Variants in TRPC4 observed in about 807,000 individuals in gnomAD.
TRPC4 encodes the protein short transient receptor potential channel 4.
Under a neutral mutation model 99.4 loss-of-function variants are expected in TRPC4, and 49 were observed. The ratio of observed to expected loss-of-function variants is 0.49; its 90% CI spans 0.39 to 0.63. The LOEUF is 0.63. Ranked by LOEUF, TRPC4 falls within the 20% of genes least tolerant of loss-of-function variation. The probability of loss-of-function intolerance (pLI) is 0.00; values close to 1 mark genes in which losing one functional copy is unlikely to be tolerated. For missense variants in TRPC4, 898 were observed against 1,152.9 expected (o/e 0.78, Z 3.20); for synonymous variants, 454 against 425.9 (o/e 1.07, Z -0.81).
chr13:37,796,959 T>TAAAATAAAATA (rs1363155767), intron 1 of TRPC4, among the ~76,000 whole-genome samples: 1 of 144,470 alleles, frequency 6.9e-6, no homozygotes, highest in Non-Finnish European at 1.5e-5. Flanking sequence ...TAAAATAAAA[T>TAAAATAAAATA]AAAATAAAAT....
At chr13:37,712,536 G>T (rs1481895881) in intron 3 of TRPC4, among the ~76,000 whole-genome samples, 1 of 152,120 alleles carries the variant, frequency 6.6e-6, no homozygotes, top group East Asian at 1.9e-4. Flanking sequence ...AAGTAGATAG[G>T]ACTGAAGTAG....
chr13:37,768,894 G>A (rs551346800), intron 2 of TRPC4, among the ~76,000 whole-genome samples: 1 of 151,316 alleles, frequency 6.6e-6, no homozygotes, highest in South Asian at 2.1e-4. Context: ...TACAGTGAGT[G>A]GAATTGATTA....
chr13:37,672,798 C>T (rs1376114249), intron 5 of TRPC4, among the ~76,000 whole-genome samples: 2 of 152,092 alleles, frequency 1.3e-5, no homozygotes, highest in African/African-American at 4.8e-5. Context: ...GGTCATTAAC[C>T]TCAATGCATT....
At chr13:37,824,002 G>T (rs1211252812) in intron 1 of TRPC4, among the ~76,000 whole-genome samples, 1 of 137,000 alleles carries the variant, frequency 7.3e-6, no homozygotes, top group African/African-American at 2.8e-5. Context: ...TTTGTAAGTT[G>T]GATTCCTAGG....
chr13:37,827,807 C>T (rs888905198), intron 1 of TRPC4, among the ~76,000 whole-genome samples: 2 of 151,870 alleles, frequency 1.3e-5, no homozygotes, highest in African/African-American at 4.8e-5. Flanking sequence ...CACCCAGTTC[C>T]AGCTTCCCAG....
chr13:37,845,079 T>C (rs896913549), intron 1 of TRPC4, among the ~76,000 whole-genome samples: 1 of 152,116 alleles, frequency 6.6e-6, no homozygotes, highest in Non-Finnish European at 1.5e-5. Flanking sequence ...AGAAATACCA[T>C]TCAAATTCAG....
chr13:37,820,500 G>A (rs1463263156), intron 1 of TRPC4, among the ~76,000 whole-genome samples: 1 of 151,992 alleles, frequency 6.6e-6, no homozygotes, highest in African/African-American at 2.4e-5. Context: ...TAAAACTTCA[G>A]TTCAATATCC....
intron 1 of TRPC4, among the ~76,000 whole-genome samples, chr13:37,824,045 G>GAGTT (rs1958118432): frequency 7.1e-6 from 1 of 140,938 alleles, no homozygotes; most frequent in African/African-American, 2.7e-5. Flanking sequence ...TTGTGAATGG[G>GAGTT]AGTTCCCTCA....
chr13:37,759,282 T>G (rs1251884809), intron 2 of TRPC4, among the ~76,000 whole-genome samples: 7 of 151,852 alleles, frequency 4.6e-5, no homozygotes, highest in Non-Finnish European at 1.0e-4. Context: ...GGGGTAAATA[T>G]TTAAATGTAA....
intron 1 of TRPC4, among the ~76,000 whole-genome samples, chr13:37,801,167 T>G (rs956943749): frequency 1.3e-5 from 2 of 152,154 alleles, no homozygotes; most frequent in Non-Finnish European, 1.5e-5. Flanking sequence ...ATTGTTACTG[T>G]GGAATGTAAC....
chr13:37,687,669 A>G (rs1953532666), intron 4 of TRPC4, among the ~76,000 whole-genome samples: 1 of 152,184 alleles, frequency 6.6e-6, no homozygotes, highest in Admixed American at 6.5e-5. Flanking sequence ...TATTCCCAGT[A>G]TATTAAAAAT....
chr13:37,758,791 A>T (rs1431903558), intron 2 of TRPC4, among the ~76,000 whole-genome samples: 1 of 151,676 alleles, frequency 6.6e-6, no homozygotes, highest in African/African-American at 2.4e-5. Context: ...GTGACAATGG[A>T]TATAATAAGT....
Position 37,745,994 on chromosome 13 carries a change from T to C in TRPC4, c.840A>G (p.Glu280=), listed in dbSNP as rs767717900. Residue 280 remains glutamate, a synonymous_variant, in exon 3 of 11, where the codon GAA becomes GAG. Transcript: ENST00000379705. ...GTCTTGCAAGATCATTTCCACTTTG[T>C]TCTTCTATGAGACTATTGTCATCTC... The part of the protein sequence containing the change: ...NYRDDNSLIE[E]QSGNDLARLK... The C allele has an allele frequency of 1.6e-5, 26 of 1,613,742 alleles. No individual in the cohort carries two copies. The highest frequency in any genetic ancestry group is 2.0e-5 in the Non-Finnish European group (24 of 1,179,832).
In TRPC4 at chr13:37,635,663, G is replaced by A. The variant is rs1175216869; in HGVS notation, c.*1240C>T. 6.6e-6 allele frequency among the ~76,000 whole-genome samples: 1 copy of A among 152,048 alleles called. No individual in the cohort carries two copies. Among genetic ancestry groups the A allele is most frequent in the African/African-American group, 2.4e-5 (1 of 41,408 alleles). On this transcript the variant is annotated 3_prime_UTR_variant, in exon 11 of 11. Transcript: ENST00000379705. ...GAAACTTCCCGTAGTGGCTTAAATA[G>A]ACACAAGCAATGTAAAATTTAAGCT...
chr13:37,779,682 C>T (rs1956789724), intron 2 of TRPC4, among the ~76,000 whole-genome samples: 1 of 151,974 alleles, frequency 6.6e-6, no homozygotes, highest in Admixed American at 6.6e-5. Context: ...TCCTTATCAT[C>T]TACATAACAA....
At chr13:37,734,921 G>A (rs1407900330) in intron 3 of TRPC4, among the ~76,000 whole-genome samples, 2 of 152,016 alleles carry the variant, frequency 1.3e-5, no homozygotes, top group Admixed American at 6.6e-5. Context: ...TGCATGCAGA[G>A]GGCATGCCAC....
intron 1 of TRPC4, among the ~76,000 whole-genome samples, chr13:37,809,537 C>A (rs1423779643): frequency 1.3e-5 from 2 of 151,356 alleles, no homozygotes; most frequent in African/African-American, 4.9e-5. Context: ...TTCCACCTAT[C>A]TCAAACTGCA....
At chr13:37,852,299 G>A (rs1314971370) in intron 1 of TRPC4, among the ~76,000 whole-genome samples, 1 of 152,178 alleles carries the variant, frequency 6.6e-6, no homozygotes, top group Admixed American at 6.5e-5. Context: ...CTCAGCCACA[G>A]TAGGAGAGGG....
chr13:37,674,573 T>G (rs1220470229), intron 4 of TRPC4, among the ~76,000 whole-genome samples: 1 of 152,224 alleles, frequency 6.6e-6, no homozygotes, highest in Non-Finnish European at 1.5e-5. Context: ...GAAGATGTTG[T>G]TAGGACAGCC....
Sources: allele counts gnomAD v4.1 joint callset (sites outside exome capture counted in the v4.1 genomes callset), GRCh38; gene constraint gnomAD v4.1.1; transcripts MANE v1.5; gene names NCBI Gene and HGNC (gene_info 2026-07-23, HGNC 2026-07-21).